Variants in SEZ6L observed in about 807,000 individuals in gnomAD.
SEZ6L encodes seizure 6-like protein.
In SEZ6L, 37 loss-of-function variants were observed where a neutral mutation model predicts 106.2. The observed-to-expected ratio is 0.35, with a 90% CI of 0.27 to 0.46. The LOEUF (loss-of-function observed/expected upper bound fraction) is 0.46. SEZ6L is among the 20% of genes least tolerant of loss of function. The pLI, the probability that SEZ6L is intolerant of heterozygous loss-of-function variation, is 1.00. For synonymous variants in SEZ6L, 541 were observed against 570.4 expected (o/e 0.95, Z 0.73); for missense variants, 1,172 against 1,332.8 (o/e 0.88, Z 1.88).
chr22:26,354,986 G>A (rs1337078615), intron 12 of SEZ6L, among the ~76,000 whole-genome samples: 4 of 152,258 alleles, frequency 2.6e-5, no homozygotes, highest in East Asian at 1.9e-4. Flanking sequence ...CGCAGGAGGC[G>A]AGAGATGGTC....
At chr22:26,252,715 C>T (rs1231869931) in intron 1 of SEZ6L, among the ~76,000 whole-genome samples, 2 of 152,296 alleles carry the variant, frequency 1.3e-5, no homozygotes, top group Admixed American at 6.5e-5. Flanking sequence ...GATAATGGCA[C>T]CCAGTTGCAT....
intron 9 of SEZ6L, among the ~76,000 whole-genome samples, chr22:26,326,341 T>G (rs1013793364): frequency 3.3e-5 from 5 of 152,194 alleles, no homozygotes; most frequent in African/African-American, 1.2e-4. Context: ...GCTGTCCTCC[T>G]GAACTTACTA....
chr22:26,188,885 A>G (rs777966859), intron 1 of SEZ6L, among the ~76,000 whole-genome samples: 2 of 152,240 alleles, frequency 1.3e-5, no homozygotes, highest in African/African-American at 2.4e-5. Context: ...AGCAGTAGTC[A>G]TAATGATGAT....
chr22:26,240,905 C>G (rs2079106191), intron 1 of SEZ6L, among the ~76,000 whole-genome samples: 2 of 152,088 alleles, frequency 1.3e-5, no homozygotes, highest in African/African-American at 4.8e-5. Context: ...CTGGAAAGGC[C>G]TAGGAAGATG....
chr22:26,341,109 T>A (rs1281743326), intron 10 of SEZ6L, among the ~76,000 whole-genome samples: 1 of 152,110 alleles, frequency 6.6e-6, no homozygotes, highest in Non-Finnish European at 1.5e-5. Context: ...GAAGCTCAGC[T>A]CTCCTCTAAG....
In SEZ6L at chr22:26,351,058, A is replaced by T; in HGVS notation, c.2414A>T (p.Tyr805Phe). The change falls in exon 12 of 17, where the codon TAC (tyrosine) becomes TTC (phenylalanine). Residue 805 changes from tyrosine (Y) to phenylalanine (F), a missense_variant. By Grantham distance (22) the Tyr-to-Phe change is conservative. Transcript: ENST00000248933. ...SDPPFCEKIM[Y>F]CTDPGEVDHS... ...CTGGTTTCATCCCGTGTAGTTATGTACTGCACCGACCCCGGAGAGGTGGAT... is the reference window on the plus strand; with the variant it reads ...CTGGTTTCATCCCGTGTAGTTATGTTCTGCACCGACCCCGGAGAGGTGGAT... 1 of 1,613,384 alleles carries T rather than the reference A, an allele frequency of 6.2e-7. No homozygotes were observed.
At chr22:26,359,275 A>G (rs1326058712) in intron 12 of SEZ6L, among the ~76,000 whole-genome samples, 1 of 152,176 alleles carries the variant, frequency 6.6e-6, no homozygotes, top group African/African-American at 2.4e-5. Flanking sequence ...CTTGAAAGCT[A>G]GAGAATCCTC....
At chr22:26,366,219 A>C (rs1001057062) in intron 13 of SEZ6L, among the ~76,000 whole-genome samples, 2 of 152,136 alleles carry the variant, frequency 1.3e-5, no homozygotes, top group Admixed American at 1.3e-4. Flanking sequence ...CTGAAGTCCC[A>C]GCTACTCGGG....
rs537142640 is a variant in SEZ6L at position 26,211,007 on chromosome 22, T to C, written c.94+41244T>C. Among the ~76,000 whole-genome samples, 14 of 152,308 alleles carry C rather than the reference T, an allele frequency of 9.2e-5. No homozygotes were observed. The South Asian group carries it at 2.9e-3, about 32-fold the overall frequency. Reference sequence around the variant, plus strand: ...GCCTGCCACGTTCTCTTATATACTATGGACCTATCAGCTCCACTTCACTCA... The same window carrying C: ...GCCTGCCACGTTCTCTTATATACTACGGACCTATCAGCTCCACTTCACTCA... On this transcript the variant is annotated intron_variant, in intron 1 of 16. Coordinates refer to ENST00000248933, the MANE Select transcript of SEZ6L (RefSeq NM_021115.5).
chr22:26,305,946 C>G, intron 5 of SEZ6L, 33 bp from the exon 6 acceptor site: 1 of 1,530,796 alleles, frequency 6.5e-7, no homozygotes, highest in Non-Finnish European at 9.0e-7. Flanking sequence ...TCTCTGCTCT[C>G]TCCCATTGCC....
intron 1 of SEZ6L, among the ~76,000 whole-genome samples, chr22:26,252,948 T>C (rs1206061054): frequency 6.6e-6 from 1 of 152,224 alleles, no homozygotes; most frequent in East Asian, 1.9e-4. Flanking sequence ...AGTAAGAGGA[T>C]TGCTAGGTCG....
intron 12 of SEZ6L, among the ~76,000 whole-genome samples, chr22:26,353,962 C>T (rs1468364822): frequency 1.3e-5 from 2 of 150,328 alleles, no homozygotes; most frequent in South Asian, 2.1e-4. Flanking sequence ...TATCTGTAAC[C>T]ATGACCTTGA....
At chr22:26,235,774 A>G (rs2078938970) in intron 1 of SEZ6L, among the ~76,000 whole-genome samples, 1 of 152,182 alleles carries the variant, frequency 6.6e-6, no homozygotes, top group Non-Finnish European at 1.5e-5. Flanking sequence ...TCCAAGGAGG[A>G]CAGAGGGGTA....
intron 11 of SEZ6L, among the ~76,000 whole-genome samples, chr22:26,348,718 AGGGAGGGAAGGGAGGGAAG>A (rs2083154046): frequency 1.8e-5 from 1 of 55,346 alleles, no homozygotes; most frequent in African/African-American, 7.5e-5. Flanking sequence ...AAGGGAGGGA[AGGGAGGGAAGGGAGGGAAG>A]GGAAGAAGGG....
At chr22:26,335,599 G>C (rs956424899) in intron 9 of SEZ6L, among the ~76,000 whole-genome samples, 1 of 152,064 alleles carries the variant, frequency 6.6e-6, no homozygotes, top group Non-Finnish European at 1.5e-5. Context: ...TTTTGCTGGG[G>C]TTCTATCACC....
chr22:26,254,691 A>G (rs2079745732), intron 1 of SEZ6L, among the ~76,000 whole-genome samples: 2 of 152,198 alleles, frequency 1.3e-5, no homozygotes, highest in African/African-American at 4.8e-5. Flanking sequence ...TACAGACAGT[A>G]CTATCGCCAT....
At position 26,348,555 on chromosome 22, in the gene SEZ6L, A is replaced by G. The variant is rs1209693; in HGVS notation, c.2407+642A>G. Among the ~76,000 whole-genome samples the G allele has an allele frequency of 4.6e-4, 31 of 66,962 alleles. 1 individual carries two copies. The highest frequency in any genetic ancestry group is 1.1e-3 in the South Asian group (2 of 1,780). 43.9% of individuals were successfully genotyped at this position (66,962 alleles called of 152,430 possible). On this transcript the variant is annotated intron_variant, in intron 11 of 16. Coordinates refer to ENST00000248933, the MANE Select transcript of SEZ6L (RefSeq NM_021115.5). ...GAAGGAAGGAAGGAAGGAAGGAAGG[A>G]AGGAAGGGAGGAAAGAAAGAAAGAA...
chr22:26,322,344 T>A (rs1352499926), intron 9 of SEZ6L, among the ~76,000 whole-genome samples: 1 of 152,144 alleles, frequency 6.6e-6, no homozygotes, highest in Non-Finnish European at 1.5e-5. Flanking sequence ...TTGAACAGCT[T>A]TCGGGGCACC....
intron 8 of SEZ6L, among the ~76,000 whole-genome samples, chr22:26,312,543 C>T (rs2081871219): frequency 7.3e-6 from 1 of 137,834 alleles, no homozygotes; most frequent in Non-Finnish European, 1.5e-5. Flanking sequence ...CTGAGCCCCA[C>T]TGGACAGTGT....
Sources: allele counts gnomAD v4.1 joint callset (sites outside exome capture counted in the v4.1 genomes callset), GRCh38; gene constraint gnomAD v4.1.1; transcripts MANE v1.5; gene names NCBI Gene and HGNC (gene_info 2026-07-23, HGNC 2026-07-21).